ATE1: variants seen among roughly 807,000 people sequenced by gnomAD.
ATE1 encodes arginyl-tRNA--protein transferase 1.
In ATE1, 36 loss-of-function variants were observed where a neutral mutation model predicts 70.5. The observed-to-expected ratio is 0.51, with a 90% CI of 0.39 to 0.67. ATE1 has a LOEUF of 0.67. ATE1 is among the 30% of genes least tolerant of loss of function. The pLI is 0.00. For missense variants in ATE1, 593 were observed against 629.5 expected (o/e 0.94, Z 0.62); for synonymous variants, 232 against 219.3 (o/e 1.06, Z -0.51).
At chr10:121,862,857 C>A (rs1949524333) in intron 8 of ATE1, among the ~76,000 whole-genome samples, 1 of 152,118 alleles carries the variant, frequency 6.6e-6, no homozygotes, top group African/African-American at 2.4e-5. Flanking sequence ...TGACAGTTTA[C>A]AAAGACCATG....
At chr10:121,880,558 A>AAT (rs79056677) in intron 7 of ATE1, among the ~76,000 whole-genome samples, 94 of 149,964 alleles carry the variant, frequency 6.3e-4, no homozygotes, top group Non-Finnish European at 8.7e-4. Flanking sequence ...AAAGCCCACA[A>AAT]ATATATATAT....
chr10:121,831,274 T>TTA (rs746041972), intron 10 of ATE1, among the ~76,000 whole-genome samples: 1 of 152,232 alleles, frequency 6.6e-6, no homozygotes, highest in East Asian at 1.9e-4. Context: ...ACACATACGT[T>TTA]TATTTATAAA....
At chr10:121,765,533 T>C (rs1945245027) in intron 11 of ATE1, among the ~76,000 whole-genome samples, 1 of 152,182 alleles carries the variant, frequency 6.6e-6, no homozygotes, top group African/African-American at 2.4e-5. Context: ...TTCAGACATA[T>C]ACAAAGCCTT....
chr10:121,855,427 A>G (rs1949211457), intron 8 of ATE1, among the ~76,000 whole-genome samples: 1 of 152,186 alleles, frequency 6.6e-6, no homozygotes, highest in African/African-American at 2.4e-5. Flanking sequence ...TGTTTGTCTA[A>G]TTGTATATTT....
At chr10:121,841,442 CTAAA>C (rs1242005846) in intron 8 of ATE1, among the ~76,000 whole-genome samples, 179 bp from the exon 9 acceptor site, 4 of 152,086 alleles carry the variant, frequency 2.6e-5, no homozygotes, top group African/African-American at 9.7e-5. Flanking sequence ...GAAATACTGA[CTAAA>C]TACAAAATTC....
rs114354174 is a variant in ATE1 at position 121,877,806 on chromosome 10, A to G, written c.943-7768T>C. Among the ~76,000 whole-genome samples the G allele has an allele frequency of 5.6e-3, 860 of 152,332 alleles. 8 individuals are homozygous for G. Among genetic ancestry groups the G allele is most frequent in the African/African-American group, 0.02 (824 of 41,560 alleles). ...CACAACGAGCATGTTTATATGGTACAAGCACTCTGGAAAACTGGCCACATT... is the reference window on the plus strand; with the variant it reads ...CACAACGAGCATGTTTATATGGTACGAGCACTCTGGAAAACTGGCCACATT... On this transcript the variant is annotated intron_variant, in intron 7 of 11. Transcript: ENST00000224652.
chr10:121,919,825 G>A (rs982724215), intron 3 of ATE1, among the ~76,000 whole-genome samples: 1 of 151,864 alleles, frequency 6.6e-6, no homozygotes, highest in Admixed American at 6.6e-5. Flanking sequence ...TAGAACCCAG[G>A]AGGCGGACAC....
chr10:121,873,193 T>C (rs1261299765), intron 7 of ATE1, among the ~76,000 whole-genome samples: 2 of 152,170 alleles, frequency 1.3e-5, no homozygotes, highest in African/African-American at 4.8e-5. Flanking sequence ...TTGATTCACT[T>C]GATAAAATTT....
intron 11 of ATE1, among the ~76,000 whole-genome samples, chr10:121,756,863 T>A (rs1024727496): frequency 6.6e-6 from 1 of 152,186 alleles, no homozygotes; most frequent in African/African-American, 2.4e-5. Flanking sequence ...ACCTCTGGCA[T>A]AACCTGGAGA....
chr10:121,804,298 T>C (rs188217355), intron 10 of ATE1, among the ~76,000 whole-genome samples: 31 of 152,294 alleles, frequency 2.0e-4, no homozygotes, highest in African/African-American at 6.7e-4. Context: ...TCAATGACTA[T>C]ACCATTAAAA....
At chr10:121,796,859 G>C (rs1051578964) in intron 10 of ATE1, among the ~76,000 whole-genome samples, 1 of 152,138 alleles carries the variant, frequency 6.6e-6, no homozygotes, top group South Asian at 2.1e-4. Flanking sequence ...ATGAACAAAG[G>C]CATTCTTCTC....
intron 11 of ATE1, among the ~76,000 whole-genome samples, chr10:121,774,831 TG>T (rs559344623): frequency 0.033 from 659 of 20,242 alleles, 5 homozygotes; most frequent in African/African-American, 0.058. Flanking sequence ...TACAATTAAA[TG>T]ACCCCCCCCA....
Position 121,869,604 on chromosome 10 carries a change from C to T in ATE1, c.975+402G>A, listed in dbSNP as rs115600118. Among the ~76,000 whole-genome samples, 565 of 152,304 alleles carry T rather than the reference C, an allele frequency of 3.7e-3. 3 individuals carry two copies. Among genetic ancestry groups the T allele is most frequent in the African/African-American group, 0.013 (547 of 41,572 alleles). On this transcript the variant is annotated intron_variant, in intron 8 of 11. Coordinates refer to ENST00000224652, the MANE Select transcript of ATE1 (RefSeq NM_001001976.3). Reference sequence around the variant, plus strand: ...AAAGTGGTCTCTCTAACTGAAACTTCCTTGAAGACAGCCTTTGCCTCTGAT... The same window carrying T: ...AAAGTGGTCTCTCTAACTGAAACTTTCTTGAAGACAGCCTTTGCCTCTGAT...
At chr10:121,861,800 C>G (rs779295504) in intron 8 of ATE1, among the ~76,000 whole-genome samples, 17 of 151,652 alleles carry the variant, frequency 1.1e-4, no homozygotes, top group Non-Finnish European at 2.1e-4. Context: ...ACTCAATTAT[C>G]AGGTCACATC....
rs368242482 is a variant in ATE1, at chr10:121,788,867, A to C, written c.1378+1302T>G. ...TCAACTTAATGCAACCCATCCTGAG[A>C]GCATCAGCACCTGTGCCTGTCTTAC... On this transcript the variant is annotated intron_variant, in intron 11 of 11. Transcript: ENST00000224652. Among the ~76,000 whole-genome samples the C allele has an allele frequency of 2.0e-5, 3 of 152,232 alleles. No homozygotes were observed. In the East Asian group the frequency reaches 5.8e-4, roughly 29 times the overall value.
intron 6 of ATE1, among the ~76,000 whole-genome samples, chr10:121,900,274 A>G (rs1950928947): frequency 6.6e-6 from 1 of 152,172 alleles, no homozygotes; most frequent in African/African-American, 2.4e-5. Flanking sequence ...CTGGCAGAGT[A>G]TTTCCAGCAC....
At chr10:121,764,108 A>G (rs955047999) in intron 11 of ATE1, among the ~76,000 whole-genome samples, 4 of 152,108 alleles carry the variant, frequency 2.6e-5, no homozygotes, top group African/African-American at 9.7e-5. Context: ...TAAATGTAGC[A>G]CACCAATGTG....
intron 8 of ATE1, among the ~76,000 whole-genome samples, 176 bp from the exon 9 acceptor site, chr10:121,841,439 T>C (rs559594995): frequency 5.8e-4 from 88 of 152,330 alleles, no homozygotes; most frequent in African/African-American, 1.9e-3. Context: ...ATAGAAATAC[T>C]GACTAAATAC....
chr10:121,779,208 A>G (rs1225736399), intron 11 of ATE1, among the ~76,000 whole-genome samples: 1 of 152,026 alleles, frequency 6.6e-6, no homozygotes, highest in Admixed American at 6.5e-5. Flanking sequence ...TCTTTGTCAT[A>G]AGTCTTCAAT....
Sources: allele counts gnomAD v4.1 joint callset (sites outside exome capture counted in the v4.1 genomes callset), GRCh38; gene constraint gnomAD v4.1.1; transcripts MANE v1.5; gene names NCBI Gene and HGNC (gene_info 2026-07-23, HGNC 2026-07-21).